Variants in RORC observed in about 807,000 individuals in gnomAD.
RORC encodes RAR related orphan receptor C.
A neutral mutation model predicts 64.5 loss-of-function variants in RORC; 13 were observed. The ratio of observed to expected loss-of-function variants is 0.20; its 90% CI spans 0.13 to 0.32. RORC has a LOEUF of 0.32. RORC is among the 10% of genes least tolerant of loss of function. RORC has a pLI of 1.00. For synonymous variants in RORC, 277 were observed against 259.3 expected, an observed-to-expected ratio of 1.07 and a Z score of -0.65; for missense variants, 468 against 669.5, an observed-to-expected ratio of 0.70 and a Z score of 3.32.
chr1:151,809,286 C>G (rs1651428891), intron 10 of RORC, among the ~76,000 whole-genome samples: 1 of 152,100 alleles, frequency 6.6e-6, no homozygotes, highest in South Asian at 2.1e-4. Flanking sequence ...CCAAGCTACT[C>G]AGGAGGCTGA....
chr1:151,816,260 T>C (rs1651750357), intron 4 of RORC, among the ~76,000 whole-genome samples: 1 of 152,170 alleles, frequency 6.6e-6, no homozygotes, highest in Non-Finnish European at 1.5e-5. Flanking sequence ...TTCCTGGCTA[T>C]AGTCCTGTGT....
intron 2 of RORC, chr1:151,826,074 C>G (rs1024281888): frequency 4.0e-6 from 6 of 1,509,234 alleles, no homozygotes; most frequent in Admixed American, 4.2e-5. Context: ...GCACCTAGCT[C>G]TCTCCCCCAG....
At chr1:151,824,636 C>G (rs1031855079) in intron 2 of RORC, among the ~76,000 whole-genome samples, 1 of 152,216 alleles carries the variant, frequency 6.6e-6, no homozygotes, top group Admixed American at 6.5e-5. Flanking sequence ...TCCTTGGTTT[C>G]CCTTCCTTCT....
intron 10 of RORC, 114 bp downstream of exon 10, chr1:151,811,211 G>C: frequency 1.7e-6 from 1 of 605,284 alleles, no homozygotes. Flanking sequence ...CTCTAACAGA[G>C]AGTGGTACTC....
chr1:151,809,808 T>C (rs905937146), intron 10 of RORC, among the ~76,000 whole-genome samples: 2 of 152,234 alleles, frequency 1.3e-5, no homozygotes, highest in African/African-American at 4.8e-5. Flanking sequence ...AAAGGCCTGC[T>C]TGAATAATTA....
At chr1:151,826,348 C>G (rs61677461) in intron 2 of RORC, among the ~76,000 whole-genome samples, 1 of 152,178 alleles carries the variant, frequency 6.6e-6, no homozygotes, top group Non-Finnish European at 1.5e-5. Context: ...GGAGCTCACA[C>G]GAGCCTGAAG....
intron 2 of RORC, among the ~76,000 whole-genome samples, chr1:151,821,997 C>G (rs1225221894): frequency 6.6e-6 from 1 of 152,134 alleles, no homozygotes; most frequent in Non-Finnish European, 1.5e-5. Context: ...CCGGGGACTC[C>G]TCAGGAACAC....
chr1:151,831,420 C>G lies in RORC; in HGVS notation c.40+305G>C, dbSNP rs191370499. ...TCCACATTCTGACCCCTCGCTGGGT[C>G]TAGATCTGGCTCCCCTGACTTGGCT... On this transcript the variant is annotated intron_variant, in intron 1 of 10. Coordinates refer to ENST00000318247, the MANE Select transcript of RORC (RefSeq NM_005060.4). Among the ~76,000 whole-genome samples, 34 of 152,270 alleles carry G rather than the reference C, an allele frequency of 2.2e-4. 1 individual carries two copies. In the East Asian group the frequency reaches 6.4e-3, roughly 29 times the overall value.
chr1:151,811,252 C>T (rs955956736), intron 10 of RORC, 73 bp downstream of exon 10: 18 of 946,100 alleles, frequency 1.9e-5, no homozygotes, highest in Middle Eastern at 2.4e-4. Context: ...CCACAGACCC[C>T]GGCCCTCGCA....
chr1:151,831,786 T>TCCTGGCTGC lies in RORC; in HGVS notation c.-31_-23dup, dbSNP rs759175405. 2 of 1,605,478 alleles carry TCCTGGCTGC rather than the reference T, an allele frequency of 1.2e-6. No individual in the cohort carries two copies. Among genetic ancestry groups the TCCTGGCTGC allele is most frequent in the African/African-American group, 2.7e-5 (2 of 74,956 alleles). ...CCATGGGGCAGCTCCCTTGGTGCCG[T>TCCTGGCTGC]CCTGGCTGCCCTGGCTGCCCAGGAG... is the stretch of plus-strand genomic sequence containing the variant. On this transcript the variant is annotated 5_prime_UTR_variant, in exon 1 of 11. Coordinates refer to ENST00000318247, the MANE Select transcript of RORC (RefSeq NM_005060.4).
chr1:151,812,674 A>T (rs1558164132), intron 9 of RORC: 5 of 346,448 alleles, frequency 1.4e-5, no homozygotes, highest in South Asian at 1.3e-4. Flanking sequence ...TAACAATCAG[A>T]CACATTTCTG....
chr1:151,824,723 T>C (rs1185084233), intron 2 of RORC, among the ~76,000 whole-genome samples: 36 of 152,340 alleles, frequency 2.4e-4, no homozygotes, highest in Non-Finnish European at 4.4e-5. Flanking sequence ...CTCTTGGCCC[T>C]GGGCCTTTGG....
At chr1:151,820,140 C>T (rs1375358537) in intron 2 of RORC, among the ~76,000 whole-genome samples, 2 of 152,088 alleles carry the variant, frequency 1.3e-5, no homozygotes, top group Non-Finnish European at 2.9e-5. Flanking sequence ...CTCCCCCCTC[C>T]TTCCCCTGCC....
chr1:151,824,991 TG>T (rs1374272794), intron 2 of RORC, among the ~76,000 whole-genome samples: 2 of 152,166 alleles, frequency 1.3e-5, no homozygotes, highest in African/African-American at 4.8e-5. Flanking sequence ...CACAGGGGCA[TG>T]GGGCTTCCCT....
chr1:151,822,692 GCACCTTCA>G (rs1161383879), intron 2 of RORC, among the ~76,000 whole-genome samples: 8 of 152,322 alleles, frequency 5.3e-5, no homozygotes, highest in Admixed American at 2.0e-4. Context: ...TCATCCCAGA[GCACCTTCA>G]CTGCTCCAGG....
chr1:151,821,612 T>C (rs902114975), intron 2 of RORC, among the ~76,000 whole-genome samples: 1 of 152,200 alleles, frequency 6.6e-6, no homozygotes, highest in African/African-American at 2.4e-5. Context: ...AATAAACAGC[T>C]TGACTAAGGT....
At chr1:151,817,500 T>C (rs1348597553) in intron 2 of RORC, among the ~76,000 whole-genome samples, 1 of 151,266 alleles carries the variant, frequency 6.6e-6, no homozygotes, top group Non-Finnish European at 1.5e-5. Flanking sequence ...AGGAGGGGAG[T>C]GTGGAGGGGT....
chr1:151,814,627 G>A lies in RORC; in HGVS notation c.880C>T (p.Arg294Trp), dbSNP rs749576267. The A allele has an allele frequency of 1.3e-5, 21 of 1,612,270 alleles. No individual in the cohort carries two copies. The highest frequency in any genetic ancestry group is 4.0e-5 in the African/African-American group (3 of 74,890). The change falls in exon 6 of 11, where the codon CGG (arginine) becomes TGG (tryptophan). Residue 294 changes from arginine (R) to tryptophan (W), a missense_variant. Arg to Trp is a moderately radical substitution (Grantham distance 101). Coordinates refer to ENST00000318247, the MANE Select transcript of RORC (RefSeq NM_005060.4). ...CGGGAGAAGATGTTGGAGCGCTGCCGCAGCAGGTCCTCCAGCCGCAGCTGG... is the reference window on the plus strand; with the variant it reads ...CGGGAGAAGATGTTGGAGCGCTGCCACAGCAGGTCCTCCAGCCGCAGCTGG... ...TCQLRLEDLL[R>W]QRSNIFSREE...
At position 151,829,475 on chromosome 1, in the gene RORC, G is replaced by A. The variant is rs4845606; in HGVS notation, c.41-17C>T. 0.13 allele frequency: 203,083 copies of A among 1,518,578 alleles called. 14,620 individuals carry two copies. Among genetic ancestry groups the A allele is most frequent in the Admixed American group, 0.25 (10,158 of 40,468 alleles). The allele number at this position is 1,518,578 out of a possible 1,614,324, so 94.1% of individuals were successfully genotyped here. ...CCAGCAGCTCTGTAAAGACAAGAGA[G>A]GGGGTTGACGTCAAAGGTTGAAGAT... On this transcript the variant is annotated splice_polypyrimidine_tract_variant and intron_variant, in intron 1 of 10. Transcript: ENST00000318247.
Sources: gnomAD v4.1 joint callset for allele counts (sites outside exome capture counted in the v4.1 genomes callset) on GRCh38, gnomAD v4.1.1 for gene constraint, MANE v1.5 for transcripts, NCBI Gene and HGNC (gene_info 2026-07-23, HGNC 2026-07-21) for gene names.